Variants in SMYD3 observed in about 807,000 individuals in gnomAD.
SMYD3 encodes the protein SET and MYND domain containing 3.
Under a neutral mutation model 57.7 loss-of-function variants are expected in SMYD3, and 36 were observed. The observed-to-expected ratio is 0.62, with a 90% CI of 0.48 to 0.82. The LOEUF is 0.82. Among genes scored for constraint, SMYD3 ranks in the 40% least tolerant of loss-of-function variants. SMYD3 has a pLI of 0.00. For missense variants in SMYD3, 515 were observed against 538.8 expected, an observed-to-expected ratio of 0.96 and a Z score of 0.44; for synonymous variants, 211 against 195.0, an observed-to-expected ratio of 1.08 and a Z score of -0.68.
chr1:246,057,518 T>A (rs2060172971), intron 5 of SMYD3, among the ~76,000 whole-genome samples: 1 of 152,148 alleles, frequency 6.6e-6, no homozygotes, highest in South Asian at 2.1e-4. Context: ...ACATCACATG[T>A]CATCAGGGAA....
chr1:246,049,678 T>C (rs1454884245), intron 5 of SMYD3, among the ~76,000 whole-genome samples: 2 of 152,192 alleles, frequency 1.3e-5, no homozygotes, highest in African/African-American at 2.4e-5. Context: ...CCAGTTCAGC[T>C]AGGCTAGGCT....
intron 8 of SMYD3, among the ~76,000 whole-genome samples, chr1:245,876,505 G>C (rs1426215177): frequency 6.6e-6 from 1 of 152,234 alleles, no homozygotes; most frequent in East Asian, 1.9e-4. Flanking sequence ...GTTAAGACTT[G>C]CTGCAAGTAT....
intron 5 of SMYD3, among the ~76,000 whole-genome samples, chr1:246,251,541 G>A (rs1295837870): frequency 1.2e-5 from 1 of 80,856 alleles, no homozygotes; most frequent in Non-Finnish European, 2.4e-5. Flanking sequence ...TAGGTGCCGC[G>A]GACACTGTGC....
At chr1:245,759,038 C>T (rs1215066443) in intron 11 of SMYD3, among the ~76,000 whole-genome samples, 1 of 152,204 alleles carries the variant, frequency 6.6e-6, no homozygotes, top group Non-Finnish European at 1.5e-5. Flanking sequence ...CCCTATCTGG[C>T]TCCTTGTTAC....
At chr1:245,766,558 T>C (rs908897693) in intron 10 of SMYD3, among the ~76,000 whole-genome samples, 1 of 152,124 alleles carries the variant, frequency 6.6e-6, no homozygotes, top group Admixed American at 6.5e-5. Context: ...TATCTATTTG[T>C]GTAGAAATGA....
chr1:245,966,139 C>T (rs188480898), intron 5 of SMYD3, among the ~76,000 whole-genome samples: 19 of 151,972 alleles, frequency 1.3e-4, no homozygotes, highest in African/African-American at 3.6e-4. Context: ...ATTATTTTTC[C>T]GCATTATTTT....
At chr1:245,889,101 C>T (rs1332089766) in intron 8 of SMYD3, among the ~76,000 whole-genome samples, 1 of 152,134 alleles carries the variant, frequency 6.6e-6, no homozygotes, top group Non-Finnish European at 1.5e-5. Flanking sequence ...GTTAGTGGAA[C>T]TTTGTGTGGC....
At chr1:245,823,046 T>G (rs1171580504) in intron 10 of SMYD3, among the ~76,000 whole-genome samples, 5 of 152,184 alleles carry the variant, frequency 3.3e-5, no homozygotes, top group African/African-American at 1.2e-4. Flanking sequence ...ATTATGACAT[T>G]CTTTTTCTGC....
intron 5 of SMYD3, among the ~76,000 whole-genome samples, chr1:246,256,191 G>A (rs1558354263): frequency 6.6e-6 from 1 of 152,130 alleles, no homozygotes; most frequent in Non-Finnish European, 1.5e-5. Flanking sequence ...GGAGAAAGAT[G>A]TGGGCTGGGA....
chr1:246,114,286 G>A (rs2061306184), intron 5 of SMYD3, among the ~76,000 whole-genome samples: 1 of 152,178 alleles, frequency 6.6e-6, no homozygotes, highest in Admixed American at 6.5e-5. Flanking sequence ...GAGAGACTGG[G>A]AAATAAACAA....
chr1:246,029,413 T>G (rs2059627934), intron 5 of SMYD3, among the ~76,000 whole-genome samples: 1 of 152,190 alleles, frequency 6.6e-6, no homozygotes, highest in African/African-American at 2.4e-5. Context: ...GGCTCATGCC[T>G]GTAATCCCAG....
intron 5 of SMYD3, among the ~76,000 whole-genome samples, chr1:246,089,836 G>A (rs999190705): frequency 5.3e-5 from 8 of 150,142 alleles, no homozygotes; most frequent in African/African-American, 2.5e-5. Flanking sequence ...AAATTGCTCA[G>A]TTTTCATGAT....
chr1:246,248,752 C>T (rs12036200), intron 5 of SMYD3, among the ~76,000 whole-genome samples: 28,898 of 146,102 alleles, frequency 0.2, 3,548 homozygotes, highest in East Asian at 0.57. Flanking sequence ...CGCCATTGTC[C>T]TGCCTCAGCC....
chr1:245,877,165 G>A (rs2052534924), intron 8 of SMYD3, among the ~76,000 whole-genome samples: 3 of 152,180 alleles, frequency 2.0e-5, no homozygotes, highest in Non-Finnish European at 4.4e-5. Context: ...CAGCTCCCCG[G>A]CCCTCTGCTG....
chr1:246,215,960 G>C (rs1349742695), intron 5 of SMYD3, among the ~76,000 whole-genome samples: 2 of 152,074 alleles, frequency 1.3e-5, no homozygotes, highest in Non-Finnish European at 2.9e-5. Flanking sequence ...AAACCGAATA[G>C]AGAGCGAAAG....
intron 1 of SMYD3, among the ~76,000 whole-genome samples, chr1:246,489,026 G>A (rs1306163120): frequency 6.6e-6 from 1 of 152,154 alleles, no homozygotes; most frequent in African/African-American, 2.4e-5. Flanking sequence ...GTCATTCTGA[G>A]GGAGGTGAAT....
chr1:246,505,292 T>C (rs1335163742), intron 1 of SMYD3, among the ~76,000 whole-genome samples: 1 of 115,062 alleles, frequency 8.7e-6, no homozygotes, highest in East Asian at 2.0e-4. Flanking sequence ...CGTCTCAACC[T>C]CCCTCGCGCT....
intron 10 of SMYD3, among the ~76,000 whole-genome samples, chr1:245,800,557 A>C (rs1164951174): frequency 6.6e-6 from 1 of 152,174 alleles, no homozygotes; most frequent in Non-Finnish European, 1.5e-5. Flanking sequence ...TCAAGCAGAA[A>C]ACAGAACACA....
rs547390466 is a variant in SMYD3, at chr1:246,100,725, C to T, written c.532-170788G>A. On this transcript the variant is annotated intron_variant, in intron 5 of 11. Transcript: ENST00000490107. ...TTCCTGAGCATCCTGGGACAGAGCT[C>T]CTCTGAGAAAATGAATGCGACTCTC... 3.3e-5 allele frequency among the ~76,000 whole-genome samples: 5 copies of T among 152,098 alleles called. No individual in the cohort carries two copies. The South Asian group carries it at 1.0e-3, about 32-fold the overall frequency.
Sources: gnomAD v4.1 joint callset for allele counts (sites outside exome capture counted in the v4.1 genomes callset) on GRCh38, gnomAD v4.1.1 for gene constraint, MANE v1.5 for transcripts, NCBI Gene and HGNC (gene_info 2026-07-23, HGNC 2026-07-21) for gene names.